Variants in PRKN observed in about 807,000 individuals in gnomAD.
PRKN encodes E3 ubiquitin-protein ligase parkin.
A neutral mutation model predicts 59.5 loss-of-function variants in PRKN; 56 were observed. The ratio of observed to expected loss-of-function variants is 0.94; its 90% CI spans 0.76 to 1.18. The LOEUF (loss-of-function observed/expected upper bound fraction) is 1.18, where lower values mean the gene tolerates loss of function less well. Among genes scored for constraint, PRKN ranks in the 50% most tolerant of loss-of-function variants. The pLI, the probability that PRKN is intolerant of heterozygous loss-of-function variation, is 0.00. For missense variants in PRKN, 657 were observed against 596.4 expected, an observed-to-expected ratio of 1.10 and a Z score of -1.06; for synonymous variants, 250 against 222.1, an observed-to-expected ratio of 1.13 and a Z score of -1.12.
At chr6:161,865,145 G>A (rs1794063591) in intron 6 of PRKN, among the ~76,000 whole-genome samples, 1 of 152,138 alleles carries the variant, frequency 6.6e-6, no homozygotes, top group Admixed American at 6.5e-5. Context: ...TGGGTGACCA[G>A]GTACATTCTC....
chr6:162,565,027 C>T (rs573140502), intron 1 of PRKN, among the ~76,000 whole-genome samples: 130 of 152,048 alleles, frequency 8.5e-4, no homozygotes, highest in African/African-American at 3.0e-3. Context: ...AAACAATGAA[C>T]GAATCAAAAA....
chr6:161,405,945 A>C lies in PRKN; in HGVS notation c.1084-19068T>G, dbSNP rs1787252720. Reference sequence around the variant, plus strand: ...GAGGAATGTCAAGTTAATTTCAAGGATCTAAAATAAACATATATCTGACAC... The same window carrying C: ...GAGGAATGTCAAGTTAATTTCAAGGCTCTAAAATAAACATATATCTGACAC... On this transcript the variant is annotated intron_variant, in intron 9 of 11. Transcript: ENST00000366898. This position sits in a 1 kb window ranked among gnomAD's most constrained non-coding sequence, Gnocchi z 5.1. Among the ~76,000 whole-genome samples, 1 of 152,046 alleles carries C rather than the reference A, an allele frequency of 6.6e-6. No homozygotes were observed. The highest frequency in any genetic ancestry group is 1.5e-5 in the Non-Finnish European group (1 of 68,010).
rs112951182 is a variant in PRKN at position 161,750,768 on chromosome 6, C to CAA, written c.871+35002_871+35003dup. ...GGCAACAAGTGTGAAACTCTTGTCT[C>CAA]AAAAAAAAAAAAAAAAGTATTAAAA... On this transcript the variant is annotated intron_variant, in intron 7 of 11. Coordinates refer to ENST00000366898, the MANE Select transcript of PRKN (RefSeq NM_004562.3). 2.2e-4 allele frequency among the ~76,000 whole-genome samples: 23 copies of CAA among 106,218 alleles called. No homozygotes were observed. The South Asian group carries it at 5.3e-3, about 24-fold the overall frequency. The allele number at this position is 106,218 out of a possible 152,430, so 69.7% of individuals were successfully genotyped here.
intron 6 of PRKN, among the ~76,000 whole-genome samples, chr6:161,927,058 G>A (rs927334811): frequency 9.2e-5 from 14 of 152,078 alleles, no homozygotes; most frequent in African/African-American, 3.1e-4. Context: ...TACAGTTTTA[G>A]ATACTTCGTG....
At chr6:162,152,972 A>G (rs1782337518) in intron 4 of PRKN, among the ~76,000 whole-genome samples, 1 of 152,228 alleles carries the variant, frequency 6.6e-6, no homozygotes, top group Non-Finnish European at 1.5e-5. Flanking sequence ...ACCTGCAGAA[A>G]AGGGCTCCAA....
chr6:161,443,457 G>A (rs1353478516), intron 9 of PRKN, among the ~76,000 whole-genome samples: 3 of 152,146 alleles, frequency 2.0e-5, no homozygotes, highest in African/African-American at 4.8e-5. Context: ...ATGGTACCAC[G>A]AAGCGCCACA....
At chr6:162,654,810 C>A (rs1391086792) in intron 1 of PRKN, among the ~76,000 whole-genome samples, 1 of 150,368 alleles carries the variant, frequency 6.7e-6, no homozygotes, top group Non-Finnish European at 1.5e-5. Context: ...TCTTTCTAAA[C>A]AAGGCGGCAC....
Position 161,349,980 on chromosome 6 carries a change from AAG to A in PRKN, c.*117_*118del. 1 of 739,582 alleles carries A rather than the reference AAG, an allele frequency of 1.4e-6. No individual in the cohort carries two copies. The highest frequency in any genetic ancestry group is 2.4e-6 in the Non-Finnish European group (1 of 420,592). The allele number at this position is 739,582 out of a possible 1,614,324, so 45.8% of individuals were successfully genotyped here. ...GTAGTTGGACTTTGAAAAAAACTTG[AAG>A]AGTGTGTGTGCGCGCGCGCGCGTGT... is the stretch of plus-strand genomic sequence containing the variant. On this transcript the variant is annotated 3_prime_UTR_variant, in exon 12 of 12. Coordinates refer to ENST00000366898, the MANE Select transcript of PRKN (RefSeq NM_004562.3). The surrounding 1 kb of genome is among the most constrained non-coding windows in gnomAD (Gnocchi z 5.5).
At chr6:161,490,300 C>T (rs1287691848) in intron 9 of PRKN, among the ~76,000 whole-genome samples, 2 of 132,344 alleles carry the variant, frequency 1.5e-5, no homozygotes, top group Admixed American at 7.9e-5. Flanking sequence ...AATCTCTCTA[C>T]TTTTCTTTCT....
chr6:161,568,558 A>G (rs1033940121), intron 8 of PRKN, among the ~76,000 whole-genome samples: 2 of 151,924 alleles, frequency 1.3e-5, no homozygotes, highest in Non-Finnish European at 2.9e-5. Context: ...ATGCCACTGC[A>G]CTCCAGCCTG....
chr6:162,406,811 T>C (rs1020288907), intron 2 of PRKN, among the ~76,000 whole-genome samples: 6 of 152,122 alleles, frequency 3.9e-5, no homozygotes, highest in Non-Finnish European at 7.4e-5. Context: ...CACTTCCTGA[T>C]GGGAAGCTTT....
intron 3 of PRKN, among the ~76,000 whole-genome samples, chr6:162,234,011 A>G (rs954506933): frequency 1.3e-5 from 2 of 152,236 alleles, no homozygotes; most frequent in African/African-American, 4.8e-5. Flanking sequence ...GGACTAAGAC[A>G]TATACTGAAG....
chr6:162,705,084 G>T (rs377157497), intron 1 of PRKN, among the ~76,000 whole-genome samples: 2 of 152,070 alleles, frequency 1.3e-5, no homozygotes, highest in East Asian at 3.9e-4. Flanking sequence ...TGTTAAAATA[G>T]TAAGAGACTT....
intron 2 of PRKN, among the ~76,000 whole-genome samples, chr6:162,343,377 T>C (rs1784271017): frequency 6.6e-6 from 1 of 152,240 alleles, no homozygotes; most frequent in African/African-American, 2.4e-5. Flanking sequence ...GTCTGTGGAA[T>C]AAAGCCTTAG....
rs1160179201 is a variant in PRKN, at chr6:161,575,556, A to C, written c.872-6140T>G. Among the ~76,000 whole-genome samples the C allele has an allele frequency of 6.6e-6, 1 of 152,196 alleles. No homozygotes were observed. The highest frequency in any genetic ancestry group is 2.4e-5 in the African/African-American group (1 of 41,434). ...ATTGAGAAGCATTAAAAACCACATG[A>C]GTCTTCGATCACTATTTTTCCTTTT... is the stretch of plus-strand genomic sequence containing the variant. On this transcript the variant is annotated intron_variant, in intron 7 of 11. Transcript: ENST00000366898. This position sits in a 1 kb window ranked among gnomAD's most constrained non-coding sequence, Gnocchi z 4.6.
chr6:162,589,727 C>T (rs745786231), intron 1 of PRKN, among the ~76,000 whole-genome samples: 2 of 152,138 alleles, frequency 1.3e-5, no homozygotes, highest in Non-Finnish European at 2.9e-5. Context: ...TTGATATTTG[C>T]ATTTGTATTC....
chr6:162,050,883 A>C (rs532292893), intron 5 of PRKN, among the ~76,000 whole-genome samples: 11 of 152,248 alleles, frequency 7.2e-5, no homozygotes, highest in African/African-American at 2.4e-4. Context: ...ACTGAACAGC[A>C]AGGACTCGAA....
intron 7 of PRKN, among the ~76,000 whole-genome samples, chr6:161,739,770 T>A (rs1264074404): frequency 6.6e-6 from 1 of 152,194 alleles, no homozygotes; most frequent in Admixed American, 6.6e-5. Context: ...TTTTCTTTTT[T>A]TTGAGACGGA....
At chr6:162,284,294 G>C (rs887328273) in intron 2 of PRKN, among the ~76,000 whole-genome samples, 1 of 135,172 alleles carries the variant, frequency 7.4e-6, no homozygotes, top group East Asian at 2.7e-4. Context: ...GCGCAATCTC[G>C]GCTCACTGCA....
Sources: allele counts gnomAD v4.1 joint callset (sites outside exome capture counted in the v4.1 genomes callset), GRCh38; gene constraint gnomAD v4.1.1; non-coding constraint Gnocchi (gnomAD v3.1); transcripts MANE v1.5; gene names NCBI Gene and HGNC (gene_info 2026-07-23, HGNC 2026-07-21).